MPP1: variants seen among roughly 807,000 people sequenced by gnomAD.
MPP1 encodes MAGUK p55 scaffold protein 1.
A neutral mutation model predicts 38.2 loss-of-function variants in MPP1; 6 were observed. The ratio of observed to expected loss-of-function variants is 0.16; its 90% CI spans 0.09 to 0.31. MPP1 has a LOEUF of 0.31. Ranked by LOEUF, MPP1 falls within the 10% of genes least tolerant of loss-of-function variation. MPP1 has a pLI of 1.00. For synonymous variants in MPP1, 153 were observed against 146.3 expected, an observed-to-expected ratio of 1.05 and a Z score of -0.33; for missense variants, 293 against 368.9, an observed-to-expected ratio of 0.79 and a Z score of 1.69.
At chrX:154,783,875 G>A (rs781894335) in intron 8 of MPP1, 153 bp downstream of exon 8, 20 of 475,337 alleles carry the variant, frequency 4.2e-5, no homozygotes, top group Non-Finnish European at 6.6e-5. Context: ...TGGGGTGCAC[G>A]TGAGGATTCA....
intron 1 of MPP1, among the ~76,000 whole-genome samples, chrX:154,798,296 T>C (rs192310350): frequency 7.0e-4 from 79 of 112,381 alleles, no homozygotes; most frequent in African/African-American, 2.4e-3. Flanking sequence ...AATGGAAATT[T>C]ATGTTCACTC....
At chrX:154,787,696 T>C (rs1198651185) in intron 5 of MPP1, among the ~76,000 whole-genome samples, 2 of 111,811 alleles carry the variant, frequency 1.8e-5, no homozygotes, top group Non-Finnish European at 3.8e-5. Flanking sequence ...GGTCTCGAAC[T>C]CCTGGGCTCA....
chrX:154,780,338 TC>T (rs1470456877), intron 11 of MPP1, among the ~76,000 whole-genome samples: 1 of 112,291 alleles, frequency 8.9e-6, no homozygotes, highest in Non-Finnish European at 1.9e-5. Context: ...AATATAGACT[TC>T]CTATAAATCA....
rs201515783 is a variant in MPP1, at chrX:154,784,070, C to T, written c.823G>A (p.Val275Ile). 31 of 1,207,683 alleles carry T rather than the reference C, an allele frequency of 2.6e-5. No homozygotes were observed. The highest frequency in any genetic ancestry group is 1.4e-4 in the African/African-American group (8 of 56,732). ...TTCCTCTTGAATGCAGGGAGCCGAA[C>T]GACTTCCTCGTAGGAAACAACATCC... Reference protein sequence around the residue: ...QLDVVSYEEVVRLPAFKRKTL... With the variant: ...QLDVVSYEEVIRLPAFKRKTL... The change falls in exon 8 of 12, where the codon GTT becomes ATT. Residue 275 changes from valine to isoleucine, a missense_variant. Physicochemically the swap from Val to Ile is conservative, Grantham distance 29. Transcript: ENST00000369534.
At chrX:154,791,219 T>G (rs2072138902) in intron 3 of MPP1, 151 bp from the exon 4 acceptor site, 1 of 506,418 alleles carries the variant, frequency 2.0e-6, no homozygotes, top group Admixed American at 3.5e-5. Flanking sequence ...AACATTTGAC[T>G]TGACAGTTTA....
chrX:154,804,924 C>A, intron 1 of MPP1: 1 of 376,196 alleles, frequency 2.7e-6, no homozygotes. Context: ...CAACAACAAC[C>A]AGGCAGACCT....
rs1569558817 is a variant in MPP1 at position 154,784,008 on chromosome X, A to G, written c.865+20T>C. On this transcript the variant is annotated intron_variant, in intron 8 of 11. Transcript: ENST00000369534. The stretch of plus-strand genomic sequence containing the variant: ...GGAAAACAAAGACAGAAATGTGCAA[A>G]TGGGGCAATGAGAAGATACCGATCA... 2 of 1,196,420 alleles carry G rather than the reference A, an allele frequency of 1.7e-6. No individual in the cohort carries two copies.
chrX:154,786,032 T>C (rs964125728), intron 6 of MPP1, among the ~76,000 whole-genome samples, 172 bp downstream of exon 6: 4 of 112,070 alleles, frequency 3.6e-5, no homozygotes, highest in Non-Finnish European at 5.6e-5. Context: ...TGTGGTTGCC[T>C]CTCAGTCCAG....
At chrX:154,785,349 C>T (rs782548948) in intron 6 of MPP1, among the ~76,000 whole-genome samples, 192 bp from the exon 7 acceptor site, 25 of 110,156 alleles carry the variant, frequency 2.3e-4, no homozygotes, top group Non-Finnish European at 4.6e-4. Context: ...AGGGACCTGG[C>T]TCCTTGAGTC....
chrX:154,793,600 T>G (rs781998555), intron 1 of MPP1, among the ~76,000 whole-genome samples: 11 of 111,892 alleles, frequency 9.8e-5, no homozygotes, highest in Non-Finnish European at 1.5e-4. Context: ...GCTATATGGG[T>G]GTCACTATAA....
In MPP1 at chrX:154,804,340, AAGTG is replaced by A. The variant is rs781892642; in HGVS notation, c.102+928_102+931del. Reference sequence around the variant, plus strand: ...GGACCCACTTATTGGGCACTTAAAGAAGTGAGTATGACACGGCCCTGCCCTAGAA... The same window carrying A: ...GGACCCACTTATTGGGCACTTAAAGAAGTATGACACGGCCCTGCCCTAGAA... On this transcript the variant is annotated intron_variant, in intron 1 of 11. Coordinates refer to ENST00000369534, the MANE Select transcript of MPP1 (RefSeq NM_002436.4). 3.3e-4 allele frequency among the ~76,000 whole-genome samples: 37 copies of A among 112,049 alleles called. 1 individual carries two copies. The South Asian group carries it at 0.012, about 37-fold the overall frequency.
At chrX:154,784,853 C>G in intron 7 of MPP1, 198 bp downstream of exon 7, 1 of 493,217 alleles carries the variant, frequency 2.0e-6, no homozygotes, top group Non-Finnish European at 3.7e-6. Flanking sequence ...ACTAGTCCTC[C>G]TTTACATCCA....
rs2072308827 is a variant in MPP1 at position 154,805,288 on chromosome X, T to G, written c.86A>C (p.Lys29Thr). ...CCCGCTCACCTCTGGCCGACTACGC[T>G]TCTGCAGCAAATGCTCCAGGTAGAG... ...SDLYLEHLLQ[K>T]RSRPEAVSHP... The change falls in exon 1 of 12, where the codon AAG (lysine) becomes ACG (threonine). Residue 29 changes from lysine to threonine, a missense_variant. Coordinates refer to ENST00000369534, the MANE Select transcript of MPP1 (RefSeq NM_002436.4). 8.3e-7 allele frequency: 1 copy of G among 1,205,992 alleles called. No homozygotes were observed.
At chrX:154,783,268 ATTGTGGGCACAAAT>A in intron 9 of MPP1, 145 bp downstream of exon 9, 1 of 271,511 alleles carries the variant, frequency 3.7e-6, no homozygotes. Flanking sequence ...AGGTGGAGGA[ATTGTGGGCACAAAT>A]TTTTATCTTT....
At position 154,797,336 on chromosome X, in the gene MPP1, A is replaced by T. The variant is rs6655255; in HGVS notation, c.103-5051T>A. Among the ~76,000 whole-genome samples, 300 of 112,042 alleles carry T rather than the reference A, an allele frequency of 2.7e-3. 1 individual carries two copies. The highest frequency in any genetic ancestry group is 9.0e-3 in the African/African-American group (277 of 30,793). ...TAGGTTACACTAAAAGCACGTATACATGATGGAAAGGTACAGACCCATGAA... is the reference window on the plus strand; with the variant it reads ...TAGGTTACACTAAAAGCACGTATACTTGATGGAAAGGTACAGACCCATGAA... On this transcript the variant is annotated intron_variant, in intron 1 of 11. Coordinates refer to ENST00000369534, the MANE Select transcript of MPP1 (RefSeq NM_002436.4).
At chrX:154,796,234 G>A (rs1179223413) in intron 1 of MPP1, among the ~76,000 whole-genome samples, 1 of 110,115 alleles carries the variant, frequency 9.1e-6, no homozygotes, top group Non-Finnish European at 1.9e-5. Flanking sequence ...GGGTTCAAGC[G>A]ATTCTCCTGC....
intron 6 of MPP1, 116 bp from the exon 7 acceptor site, chrX:154,785,273 A>G: frequency 5.6e-6 from 3 of 531,357 alleles, no homozygotes; most frequent in Non-Finnish European, 8.7e-6. Flanking sequence ...TTACAGTGGG[A>G]GATAATGTGT....
chrX:154,778,905 T>G lies in MPP1; in HGVS notation c.*272A>C. 1 of 339,005 alleles carries G rather than the reference T, an allele frequency of 2.9e-6. No individual in the cohort carries two copies. Among genetic ancestry groups the G allele is most frequent in the Non-Finnish European group, 5.1e-6 (1 of 196,686 alleles). 27.9% of individuals were successfully genotyped at this position (339,005 alleles called of 1,213,427 possible). A position where few individuals can be genotyped will look rare whatever the true frequency, so the allele number is the denominator to read the frequency against. ...CATTGCTTTTGCTGTGCATCACCCT[T>G]GATTAGCAGTTACATTTTGGTAGTA... On this transcript the variant is annotated 3_prime_UTR_variant, in exon 12 of 12. Coordinates refer to ENST00000369534, the MANE Select transcript of MPP1 (RefSeq NM_002436.4).
chrX:154,790,369 T>C (rs782172208), intron 4 of MPP1, among the ~76,000 whole-genome samples: 2 of 109,923 alleles, frequency 1.8e-5, no homozygotes, highest in Non-Finnish European at 3.8e-5. Flanking sequence ...CTGTCTCTAC[T>C]AAAAATACAA....
Sources: allele counts gnomAD v4.1 joint callset (sites outside exome capture counted in the v4.1 genomes callset), GRCh38; gene constraint gnomAD v4.1.1; transcripts MANE v1.5; gene names NCBI Gene and HGNC (gene_info 2026-07-23, HGNC 2026-07-21).